The following ADCY2 variants were observed in gnomAD, a reference collection of about 807,000 sequenced individuals.
The protein encoded by ADCY2 is adenylate cyclase type 2.
In ADCY2, 31 loss-of-function variants were observed where a neutral mutation model predicts 125.2. That is an observed-to-expected ratio of 0.25 (90% CI 0.19 to 0.33). The LOEUF (loss-of-function observed/expected upper bound fraction) is 0.33. ADCY2 is among the 10% of genes least tolerant of loss of function. The pLI is 1.00. For synonymous variants in ADCY2, 512 were observed against 548.4 expected (o/e 0.93, Z 0.93); for missense variants, 904 against 1,418.2 (o/e 0.64, Z 5.82).
intron 2 of ADCY2, among the ~76,000 whole-genome samples, chr5:7,485,575 G>C (rs775051418): frequency 6.6e-6 from 1 of 152,100 alleles, no homozygotes; most frequent in Non-Finnish European, 1.5e-5. Flanking sequence ...AAGGATTTTG[G>C]TGATTTTTTT....
chr5:7,584,383 G>C (rs1338640923), intron 3 of ADCY2, among the ~76,000 whole-genome samples: 3 of 151,974 alleles, frequency 2.0e-5, no homozygotes, highest in Admixed American at 6.6e-5. Flanking sequence ...ACACTTCATA[G>C]GTCACTTTGC....
At chr5:7,666,312 A>C (rs530928737) in intron 4 of ADCY2, among the ~76,000 whole-genome samples, 39 of 152,030 alleles carry the variant, frequency 2.6e-4, no homozygotes, top group African/African-American at 9.2e-4. Flanking sequence ...TTTGTCACCC[A>C]GGCTGGAGTG....
chr5:7,713,495 G>A (rs377341877), intron 11 of ADCY2, among the ~76,000 whole-genome samples: 29 of 141,994 alleles, frequency 2.0e-4, no homozygotes, highest in South Asian at 2.2e-4. Flanking sequence ...CTGTGTCTCA[G>A]AAAAAAAAAA....
intron 1 of ADCY2, among the ~76,000 whole-genome samples, chr5:7,398,691 A>G (rs990128016): frequency 2.0e-5 from 3 of 152,208 alleles, no homozygotes; most frequent in Admixed American, 2.0e-4. Context: ...ATGTTCCAGA[A>G]TCAGGGAGGG....
chr5:7,663,814 C>G (rs1337057638), intron 4 of ADCY2, among the ~76,000 whole-genome samples: 2 of 152,190 alleles, frequency 1.3e-5, no homozygotes, highest in Admixed American at 6.5e-5. Flanking sequence ...CAGGCACACC[C>G]TCTGCAGAGT....
chr5:7,568,725 C>T (rs1031464912), intron 3 of ADCY2, among the ~76,000 whole-genome samples: 1 of 152,196 alleles, frequency 6.6e-6, no homozygotes, highest in East Asian at 1.9e-4. Flanking sequence ...AATTCACCAC[C>T]TCTCCTCACA....
chr5:7,622,371 G>A (rs181167707), intron 3 of ADCY2, among the ~76,000 whole-genome samples: 5 of 152,210 alleles, frequency 3.3e-5, no homozygotes, highest in East Asian at 1.9e-4. Context: ...GGATGAAACC[G>A]GGTATCAGGA....
intron 2 of ADCY2, among the ~76,000 whole-genome samples, chr5:7,446,079 G>A (rs2126409852): frequency 6.6e-6 from 1 of 152,230 alleles, no homozygotes; most frequent in East Asian, 1.9e-4. Flanking sequence ...TCTCTCCAGT[G>A]TTTCCATATT....
intron 17 of ADCY2, among the ~76,000 whole-genome samples, chr5:7,770,019 G>A (rs561931782): frequency 6.6e-6 from 1 of 152,252 alleles, no homozygotes; most frequent in Admixed American, 6.5e-5. Flanking sequence ...CTGGTATCCT[G>A]CAGTGTCCTC....
Position 7,535,812 on chromosome 5 carries a change from T to C in ADCY2, c.570+14913T>C, listed in dbSNP as rs114845017. Among the ~76,000 whole-genome samples the C allele has an allele frequency of 2.0e-3, 302 of 152,328 alleles. 2 individuals carry two copies. The highest frequency in any genetic ancestry group is 6.1e-3 in the African/African-American group (255 of 41,566). On this transcript the variant is annotated intron_variant, in intron 3 of 24. Transcript: ENST00000338316. ...GCAGAAAAATGAGCTAAGTTTGAACTGTTGCTAATGATATTAACATGACCC... is the reference window on the plus strand; with the variant it reads ...GCAGAAAAATGAGCTAAGTTTGAACCGTTGCTAATGATATTAACATGACCC...
At chr5:7,568,742 T>G (rs1323027719) in intron 3 of ADCY2, among the ~76,000 whole-genome samples, 1 of 152,208 alleles carries the variant, frequency 6.6e-6, no homozygotes, top group Non-Finnish European at 1.5e-5. Context: ...CACAGCACAG[T>G]GCATAACCAA....
At chr5:7,571,888 T>C (rs1290394317) in intron 3 of ADCY2, among the ~76,000 whole-genome samples, 1 of 152,168 alleles carries the variant, frequency 6.6e-6, no homozygotes, top group Non-Finnish European at 1.5e-5. Context: ...GAACATGCAG[T>C]ATTCAGTTTT....
At chr5:7,458,866 A>G (rs948037837) in intron 2 of ADCY2, among the ~76,000 whole-genome samples, 4 of 152,192 alleles carry the variant, frequency 2.6e-5, no homozygotes, top group Non-Finnish European at 5.9e-5. Flanking sequence ...AAGTAATGGC[A>G]CGTCACACAA....
At chr5:7,744,546 A>G (rs974013635) in intron 15 of ADCY2, among the ~76,000 whole-genome samples, 2 of 152,264 alleles carry the variant, frequency 1.3e-5, no homozygotes, top group Admixed American at 1.3e-4. Context: ...GATTAAACCT[A>G]AAATTGAAAG....
At chr5:7,730,041 T>C (rs1742054153) in intron 14 of ADCY2, among the ~76,000 whole-genome samples, 1 of 151,982 alleles carries the variant, frequency 6.6e-6, no homozygotes, top group Admixed American at 6.6e-5. Flanking sequence ...CTCCTACCCT[T>C]CCCCCTTTGG....
At chr5:7,777,922 A>G (rs1743792752) in intron 18 of ADCY2, among the ~76,000 whole-genome samples, 1 of 152,250 alleles carries the variant, frequency 6.6e-6, no homozygotes, top group African/African-American at 2.4e-5. Context: ...GGAGTGTCCC[A>G]GTATTTAACG....
intron 3 of ADCY2, among the ~76,000 whole-genome samples, chr5:7,533,859 C>T (rs1305145155): frequency 1.3e-5 from 2 of 152,090 alleles, no homozygotes; most frequent in Admixed American, 6.6e-5. Context: ...ACCGTTGCTG[C>T]TTATTTTCAC....
At position 7,625,807 on chromosome 5, in the gene ADCY2, A is replaced by C. The variant is rs563941435; in HGVS notation, c.571-360A>C. Among the ~76,000 whole-genome samples, 13 of 152,294 alleles carry C rather than the reference A, an allele frequency of 8.5e-5. No homozygotes were observed. The South Asian group carries it at 2.7e-3, about 32-fold the overall frequency. ...ACCCGGAAGTGTTCTTTTCCTAATG[A>C]GGTGCAAGAGAGTGACCTGAAAAAC... On this transcript the variant is annotated intron_variant, in intron 3 of 24. Coordinates refer to ENST00000338316, the MANE Select transcript of ADCY2 (RefSeq NM_020546.3).
chr5:7,599,273 T>G (rs1407270340), intron 3 of ADCY2, among the ~76,000 whole-genome samples: 3 of 152,034 alleles, frequency 2.0e-5, no homozygotes, highest in Non-Finnish European at 4.4e-5. Context: ...CCAGAGTTGA[T>G]TGAGAAATAG....
Sources: gnomAD v4.1 joint callset for allele counts (sites outside exome capture counted in the v4.1 genomes callset) on GRCh38, gnomAD v4.1.1 for gene constraint, MANE v1.5 for transcripts, NCBI Gene and HGNC (gene_info 2026-07-23, HGNC 2026-07-21) for gene names.